Variants in NREP observed in about 807,000 individuals in gnomAD.
The protein encoded by NREP is neuronal regeneration related protein.
NREP carries 5 observed loss-of-function variants against 8.6 expected under a neutral mutation model. The ratio of observed to expected loss-of-function variants is 0.58; its 90% CI spans 0.30 to 1.22. The LOEUF is 1.22. NREP is among the 50% of genes most tolerant of loss of function. NREP has a pLI of 0.07. For synonymous variants in NREP, 27 were observed against 28.0 expected (o/e 0.96, Z 0.11); for missense variants, 86 against 82.5 (o/e 1.04, Z -0.17).
intron 2 of NREP, among the ~76,000 whole-genome samples, chr5:111,946,648 C>G (rs1755993597): frequency 6.6e-6 from 1 of 151,930 alleles, no homozygotes. Context: ...CTATCAGGGC[C>G]TCTTTTTAAG....
intron 2 of NREP, among the ~76,000 whole-genome samples, chr5:111,884,332 A>G (rs1394019445): frequency 3.3e-5 from 5 of 151,954 alleles, no homozygotes; most frequent in Non-Finnish European, 5.9e-5. Context: ...GCAATAATCA[A>G]TAGTTTACCA....
chr5:111,838,043 A>G (rs1216431594), intron 2 of NREP, among the ~76,000 whole-genome samples: 1 of 152,086 alleles, frequency 6.6e-6, no homozygotes, highest in Non-Finnish European at 1.5e-5. Context: ...AGCACTACCC[A>G]AAAGAAATAT....
intron 2 of NREP, among the ~76,000 whole-genome samples, chr5:111,801,515 C>T (rs1478409908): frequency 6.6e-6 from 1 of 152,276 alleles, no homozygotes. Context: ...CTTTTCTTTT[C>T]AGTCCTTCTT....
intron 2 of NREP, among the ~76,000 whole-genome samples, chr5:111,773,100 T>C (rs1336651366): frequency 1.3e-5 from 2 of 152,188 alleles, no homozygotes; most frequent in Non-Finnish European, 2.9e-5. Flanking sequence ...GTGCAAGTCA[T>C]AGTGCATATA....
intron 2 of NREP, among the ~76,000 whole-genome samples, chr5:111,973,028 C>G (rs1756864724): frequency 6.6e-6 from 1 of 152,166 alleles, no homozygotes; most frequent in African/African-American, 2.4e-5. Flanking sequence ...AGGTTGTGCA[C>G]CCATGAAACT....
chr5:111,867,818 G>A (rs1021176305), intron 2 of NREP, among the ~76,000 whole-genome samples: 1 of 151,742 alleles, frequency 6.6e-6, no homozygotes, highest in Admixed American at 6.6e-5. Context: ...CTTTTTTTGA[G>A]AAAATTGAGG....
chr5:111,976,824 G>A (rs1756980193), exon 1 of NREP: 4 of 1,069,820 alleles, frequency 3.7e-6, no homozygotes, highest in Admixed American at 2.1e-5. Flanking sequence ...GACAGCTCAG[G>A]ACACAGCTCT....
intron 2 of NREP, among the ~76,000 whole-genome samples, chr5:111,827,668 C>A (rs910107702): frequency 1.3e-5 from 2 of 152,138 alleles, no homozygotes; most frequent in African/African-American, 4.8e-5. Context: ...ATGGCGAAAC[C>A]TTGTCTCTAC....
At chr5:111,770,100 C>G (rs1751182124) in intron 2 of NREP, among the ~76,000 whole-genome samples, 1 of 152,206 alleles carries the variant, frequency 6.6e-6, no homozygotes, top group South Asian at 2.1e-4. Context: ...ATTAGACATT[C>G]TAGTTTAGCA....
upstream of NREP, chr5:111,757,888 CGGCGGCCCGCCAGGGCCGTGGGGAGA>C (rs1267840254): frequency 9.1e-6 from 9 of 984,470 alleles, no homozygotes; most frequent in East Asian, 1.0e-3. Flanking sequence ...CTGCACAGCC[CGGCGGCCCGCCAGGGCCGTGGGGAGA>C]GGCGGCGCGG....
At position 111,857,182 on chromosome 5, in the gene NREP, G is replaced by A. The variant is rs75322835; in HGVS notation, c.135+118092C>T. Among the ~76,000 whole-genome samples, 1,000 of 152,286 alleles carry A rather than the reference G, an allele frequency of 6.6e-3. 9 individuals are homozygous for A. Among genetic ancestry groups the A allele is most frequent in the African/African-American group, 0.022 (932 of 41,578 alleles). On this transcript the variant is annotated intron_variant, in intron 2 of 3. Transcript: ENST00000395634. ...GAAAGCAGGGCTGGGAGTGCCGAGAGGAAGCGTGGGAGTCTTGTCCTAGTG... is the reference window on the plus strand; with the variant it reads ...GAAAGCAGGGCTGGGAGTGCCGAGAAGAAGCGTGGGAGTCTTGTCCTAGTG...
rs1053014796 is a variant in NREP at position 111,820,869 on chromosome 5, A to T, written c.136-85362T>A. 7.2e-5 allele frequency among the ~76,000 whole-genome samples: 11 copies of T among 152,226 alleles called. No homozygotes were observed. The East Asian group carries it at 1.9e-3, about 27-fold the overall frequency. On this transcript the variant is annotated intron_variant, in intron 2 of 3. Coordinates refer to the NREP transcript ENST00000395634. ...CTCCAATTAATGATGTTGCCTAAAA[A>T]CAAGAAAAATCTAATCCTATAAGTA...
chr5:111,795,927 G>A (rs528744964), intron 2 of NREP, among the ~76,000 whole-genome samples: 33 of 152,334 alleles, frequency 2.2e-4, no homozygotes, highest in African/African-American at 7.2e-4. Flanking sequence ...GGCAAAGCCA[G>A]GTCTTTGAAC....
chr5:111,959,429 T>C (rs1756421720), intron 2 of NREP, among the ~76,000 whole-genome samples: 1 of 152,034 alleles, frequency 6.6e-6, no homozygotes, highest in Admixed American at 6.5e-5. Context: ...TATACATACA[T>C]GTGTACTTTT....
At chr5:111,780,299 G>A (rs1429889477) in intron 2 of NREP, among the ~76,000 whole-genome samples, 3 of 152,136 alleles carry the variant, frequency 2.0e-5, no homozygotes, top group Admixed American at 6.6e-5. Context: ...TATGGTGTAT[G>A]GAGATTTAGC....
At chr5:111,976,634 C>A (rs370028444) in intron 1 of NREP, 2 of 1,274,670 alleles carry the variant, frequency 1.6e-6, no homozygotes, top group African/African-American at 1.5e-5. Flanking sequence ...GAGGCAGAGA[C>A]AAACATCCTA....
chr5:111,951,123 T>C (rs1383824032), intron 2 of NREP, among the ~76,000 whole-genome samples: 1 of 152,122 alleles, frequency 6.6e-6, no homozygotes, highest in East Asian at 1.9e-4. Context: ...AAATAAATTG[T>C]ATCATGCTGT....
Position 111,810,251 on chromosome 5 carries a change from T to C in NREP, c.136-74744A>G, listed in dbSNP as rs148266317. Among the ~76,000 whole-genome samples, 14 of 152,058 alleles carry C rather than the reference T, an allele frequency of 9.2e-5. No homozygotes were observed. The East Asian group carries it at 2.5e-3, about 27-fold the overall frequency. Reference sequence around the variant, plus strand: ...AAACTGTGAGGAAGAAGCAGAAAAATACACAGAATAGAGTGTGAGATGGTT... The same window carrying C: ...AAACTGTGAGGAAGAAGCAGAAAAACACACAGAATAGAGTGTGAGATGGTT... On this transcript the variant is annotated intron_variant, in intron 2 of 3. Transcript: ENST00000395634.
intron 2 of NREP, among the ~76,000 whole-genome samples, chr5:111,950,129 G>A (rs1756112972): frequency 6.6e-6 from 1 of 152,016 alleles, no homozygotes. Flanking sequence ...CATTCTAACT[G>A]GTGTGAGATG....
Sources: allele counts gnomAD v4.1 joint callset (sites outside exome capture counted in the v4.1 genomes callset), GRCh38; gene constraint gnomAD v4.1.1; transcripts MANE v1.5; gene names NCBI Gene and HGNC (gene_info 2026-07-23, HGNC 2026-07-21).